The following TREML2 variants were observed in gnomAD, a reference collection of about 807,000 sequenced individuals.
TREML2 encodes triggering receptor expressed on myeloid cells like 2, also known as trem-like transcript 2 protein.
TREML2 carries 24 observed loss-of-function variants against 25.9 expected under a neutral mutation model. The ratio of observed to expected loss-of-function variants is 0.93; its 90% CI spans 0.67 to 1.30. TREML2 has a LOEUF of 1.30. TREML2 is among the 50% of genes most tolerant of loss of function. TREML2 has a pLI of 0.00. For missense variants in TREML2, 359 were observed against 395.6 expected (o/e 0.91, Z 0.78); for synonymous variants, 139 against 155.2 (o/e 0.90, Z 0.77).
chr6:41,196,207 T>G (rs1766158136), intron 2 of TREML2, among the ~76,000 whole-genome samples: 1 of 152,200 alleles, frequency 6.6e-6, no homozygotes, highest in South Asian at 2.1e-4. Context: ...ATGTTTAATG[T>G]TTCTATCCCT....
chr6:41,201,092 A>G lies in TREML2; in HGVS notation c.-84T>C. Reference sequence around the variant, plus strand: ...ACAGGATGTGCCACCTGGGCCTGCCAGGGAAGGACCCGGGGTTCTAAAAGT... The same window carrying G: ...ACAGGATGTGCCACCTGGGCCTGCCGGGGAAGGACCCGGGGTTCTAAAAGT... On this transcript the variant is annotated 5_prime_UTR_variant, in exon 1 of 5. Transcript: ENST00000483722. The G allele has an allele frequency of 6.6e-7, 1 of 1,520,090 alleles. No individual in the cohort carries two copies. 94.2% of individuals were successfully genotyped at this position (1,520,090 alleles called of 1,614,324 possible).
intron 1 of TREML2, 141 bp downstream of exon 1, chr6:41,200,813 A>C (rs1766259606): frequency 2.9e-6 from 2 of 683,478 alleles, no homozygotes; most frequent in Non-Finnish European, 4.5e-6. Flanking sequence ...GTAAAGAGCT[A>C]AGTCAGCCCT....
At chr6:41,193,006 C>T (rs930386879) in intron 3 of TREML2, 105 bp from the exon 4 acceptor site, 40 of 870,164 alleles carry the variant, frequency 4.6e-5, no homozygotes, top group East Asian at 1.1e-4. Context: ...GTGCCCTTCC[C>T]GGGGTAGACG....
intron 3 of TREML2, among the ~76,000 whole-genome samples, chr6:41,194,033 C>T (rs1005623040): frequency 6.7e-6 from 1 of 149,110 alleles, no homozygotes; most frequent in Non-Finnish European, 1.5e-5. Flanking sequence ...CCCCACCTTC[C>T]TCCCACCAAC....
rs1401074713 is a variant in TREML2, at chr6:41,192,236, G to GC, written c.*190dup. The GC allele has an allele frequency of 1.7e-6, 1 of 593,964 alleles. No homozygotes were observed. The highest frequency in any genetic ancestry group is 3.0e-6 in the Non-Finnish European group (1 of 330,646). The allele number at this position is 593,964 out of a possible 1,614,324, so 36.8% of individuals were successfully genotyped here. The stretch of plus-strand genomic sequence containing the variant: ...GCTCTGGGCCCCTCCCCAGGTTCCT[G>GC]CCCCCAAGGAGAACACTGGGCTGTG... On this transcript the variant is annotated 3_prime_UTR_variant, in exon 5 of 5. Coordinates refer to ENST00000483722, the MANE Select transcript of TREML2 (RefSeq NM_024807.4).
chr6:41,197,748 C>CACT (rs1490875062), intron 2 of TREML2, among the ~76,000 whole-genome samples: 1 of 152,188 alleles, frequency 6.6e-6, no homozygotes, highest in African/African-American at 2.4e-5. Flanking sequence ...TGTTTTTGCT[C>CACT]ACTGTCTCCT....
chr6:41,189,818 G>A lies in TREML2; in HGVS notation c.*2609C>T, dbSNP rs1766016835. 6.6e-6 allele frequency among the ~76,000 whole-genome samples: 1 copy of A among 152,220 alleles called. No individual in the cohort carries two copies. Among genetic ancestry groups the A allele is most frequent in the Non-Finnish European group, 1.5e-5 (1 of 68,040 alleles). ...TGCTGTGGAGAGGAGGCCTGAAAGA[G>A]GGTTGCCATTTTTACAGTTGAATGT... is the stretch of plus-strand genomic sequence containing the variant. On this transcript the variant is annotated 3_prime_UTR_variant, in exon 5 of 5. Coordinates refer to ENST00000483722, the MANE Select transcript of TREML2 (RefSeq NM_024807.4).
At chr6:41,192,738 T>A in intron 4 of TREML2, 63 bp downstream of exon 4, 3 of 1,465,956 alleles carry the variant, frequency 2.0e-6, no homozygotes, top group Non-Finnish European at 2.8e-6. Context: ...CTCGAGGTCA[T>A]AACCCTTAGT....
intron 3 of TREML2, among the ~76,000 whole-genome samples, chr6:41,193,212 T>C (rs1766099078): frequency 6.6e-6 from 1 of 152,142 alleles, no homozygotes; most frequent in African/African-American, 2.4e-5. Flanking sequence ...AGATGCTTGC[T>C]CTCCTCAAGG....
intron 4 of TREML2, 85 bp from the exon 5 acceptor site, chr6:41,192,591 G>T (rs1766085718): frequency 2.9e-6 from 4 of 1,403,360 alleles, no homozygotes; most frequent in East Asian, 4.7e-5. Flanking sequence ...GCCCCTTTCT[G>T]GCTCTGCCTC....
At chr6:41,192,935 C>A in intron 3 of TREML2, 34 bp from the exon 4 acceptor site, 1 of 1,503,868 alleles carries the variant, frequency 6.6e-7, no homozygotes, top group Non-Finnish European at 8.9e-7. Flanking sequence ...AGCGGGTGAG[C>A]ACCAAGGTCC....
rs1393893420 is a variant in TREML2, at chr6:41,194,427, GATGGAGGGC to G, written c.774_782del (p.Met258_Ser260del). On this transcript the variant is annotated inframe_deletion, in exon 3 of 5. Coordinates refer to ENST00000483722, the MANE Select transcript of TREML2 (RefSeq NM_024807.4). ...TCAACCCCAGGCCCCACAGGTACCT[GATGGAGGGC>G]ATGGAGGGTAGTCTGTTGAGGAGAG... 3.2e-6 allele frequency: 5 copies of G among 1,560,186 alleles called. No individual in the cohort carries two copies. Among genetic ancestry groups the G allele is most frequent in the Non-Finnish European group, 3.5e-6 (4 of 1,150,860 alleles).
In TREML2 at chr6:41,192,396, G is replaced by A; in HGVS notation, c.*31C>T. ...CTCTAACCCCCTGGGGCCACTCTGG[G>A]AGAAGCTCCCCACCCCATGCTTAAG... On this transcript the variant is annotated 3_prime_UTR_variant, in exon 5 of 5. Transcript: ENST00000483722. The A allele has an allele frequency of 1.9e-6, 3 of 1,591,300 alleles. No homozygotes were observed. Among genetic ancestry groups the A allele is most frequent in the Middle Eastern group, 3.3e-4 (2 of 6,026 alleles).
At chr6:41,193,253 C>T (rs1328658418) in intron 3 of TREML2, among the ~76,000 whole-genome samples, 1 of 152,144 alleles carries the variant, frequency 6.6e-6, no homozygotes, top group Non-Finnish European at 1.5e-5. Flanking sequence ...CCCACTCTAT[C>T]CTCTGTAGCA....
rs931606325 is a variant in TREML2 at position 41,192,193 on chromosome 6, T to C, written c.*234A>G. The C allele has an allele frequency of 1.3e-5, 7 of 539,578 alleles. No individual in the cohort carries two copies. The African/African-American group carries it at 1.3e-4, about 10-fold the overall frequency. 33.4% of individuals were successfully genotyped at this position (539,578 alleles called of 1,614,324 possible). A position where few individuals can be genotyped will look rare whatever the true frequency, so the allele number is the denominator to read the frequency against. On this transcript the variant is annotated 3_prime_UTR_variant, in exon 5 of 5. Transcript: ENST00000483722. ...CCACTGGTCACATTTCCTCGGGACT[T>C]TCTCCCTGATGCCCTTTGCTCTGGG...
Position 41,201,013 on chromosome 6 carries a change from C to G in TREML2, c.-5G>C, listed in dbSNP as rs1181713198. 6.2e-7 allele frequency: 1 copy of G among 1,609,208 alleles called. No individual in the cohort carries two copies. The highest frequency in any genetic ancestry group is 1.3e-5 in the African/African-American group (1 of 74,952). ...CAGCAGGAAGGCTGGGGCCATGGTT[C>G]CATCCAGCTGGGCAGTGTCAGGCCT... On this transcript the variant is annotated 5_prime_UTR_variant, in exon 1 of 5. Coordinates refer to ENST00000483722, the MANE Select transcript of TREML2 (RefSeq NM_024807.4).
chr6:41,192,927 C>T (rs577811422), intron 3 of TREML2, 26 bp from the exon 4 acceptor site: 30 of 1,521,368 alleles, frequency 2.0e-5, no homozygotes, highest in Non-Finnish European at 2.2e-5. Flanking sequence ...AGGGTGGAAG[C>T]GGGTGAGCAC....
Position 41,201,002 on chromosome 6 carries a change from G to T in TREML2, c.7C>A (p.Pro3Thr). 2 of 1,602,984 alleles carry T rather than the reference G, an allele frequency of 1.2e-6. No homozygotes were observed. Among genetic ancestry groups the T allele is most frequent in the Admixed American group, 1.7e-5 (1 of 58,168 alleles). Residue 3 changes from proline (P) to threonine (T), a missense_variant, in exon 1 of 5, where the codon CCA becomes ACA. Pro to Thr is a conservative substitution (Grantham distance 38). Transcript: ENST00000483722. ...AGCAGCAGCAGCAGCAGGAAGGCTG[G>T]GGCCATGGTTCCATCCAGCTGGGCA... MA[P>T]AFLLLLLLWP...
In TREML2 at chr6:41,194,803, G is replaced by T. The variant is rs374114737; in HGVS notation, c.407C>A (p.Thr136Lys). The T allele has an allele frequency of 6.3e-7, 1 of 1,584,918 alleles. No homozygotes were observed. Among genetic ancestry groups the T allele is most frequent in the Non-Finnish European group, 8.6e-7 (1 of 1,164,390 alleles). Residue 136 changes from threonine (T) to lysine (K), a missense_variant, in exon 3 of 5, where the codon ACA becomes AAA. Physicochemically the swap from Thr to Lys is moderately conservative, Grantham distance 78 (BLOSUM62 -1). Coordinates refer to ENST00000483722, the MANE Select transcript of TREML2 (RefSeq NM_024807.4). ...APQTERNIPF[T>K]HLDNILKSGT... ...ACTCTTGAGGATGTTGTCCAGATGT[G>T]TGAAAGGAATGTTCCTCTCAGTTTG... is the stretch of plus-strand genomic sequence containing the variant.
Sources: gnomAD v4.1 joint callset for allele counts (sites outside exome capture counted in the v4.1 genomes callset) on GRCh38, gnomAD v4.1.1 for gene constraint, MANE v1.5 for transcripts, NCBI Gene and HGNC (gene_info 2026-07-23, HGNC 2026-07-21) for gene names.